Variants in COL22A1 observed in about 807,000 individuals in gnomAD.
The protein encoded by COL22A1 is collagen alpha-1(XXII) chain.
A neutral mutation model predicts 248.9 loss-of-function variants in COL22A1; 221 were observed. The observed-to-expected ratio is 0.89, with a 90% CI of 0.80 to 0.99. COL22A1 has a LOEUF of 0.99. Among genes scored for constraint, COL22A1 ranks in the 50% least tolerant of loss-of-function variants. The pLI is 0.00. For synonymous variants in COL22A1, 891 were observed against 793.4 expected (o/e 1.12, Z -2.07); for missense variants, 2,240 against 2,179.0 (o/e 1.03, Z -0.56).
In COL22A1 at chr8:138,589,090, T is replaced by G. The variant is rs1050797736; in HGVS notation, c.*163A>C. On this transcript the variant is annotated 3_prime_UTR_variant, in exon 65 of 65. Coordinates refer to ENST00000303045, the MANE Select transcript of COL22A1 (RefSeq NM_152888.3). ...GACCGGCAGCGTCTGTTGGATTTAA[T>G]AATTTTGAGGTCTCTCAAGAAAATA... 6.2e-6 allele frequency: 4 copies of G among 640,588 alleles called. No homozygotes were observed. The highest frequency in any genetic ancestry group is 5.4e-6 in the Non-Finnish European group (2 of 367,942). 39.7% of individuals were successfully genotyped at this position (640,588 alleles called of 1,614,324 possible).
At chr8:138,853,204 GT>G (rs1821771070) in intron 3 of COL22A1, among the ~76,000 whole-genome samples, 2 of 152,148 alleles carry the variant, frequency 1.3e-5, no homozygotes, top group Non-Finnish European at 2.9e-5. Context: ...TTATAGTGAG[GT>G]TTGGCATCCT....
chr8:138,694,357 A>G (rs2130931645), intron 34 of COL22A1, 151 bp downstream of exon 34: 2 of 820,068 alleles, frequency 2.4e-6, no homozygotes, highest in East Asian at 2.5e-5. Context: ...AGTGAGGGCC[A>G]CTCAGCCTCT....
chr8:138,724,532 G>A, intron 25 of COL22A1, 83 bp downstream of exon 25: 1 of 1,376,232 alleles, frequency 7.3e-7, no homozygotes, highest in Non-Finnish European at 1.0e-6. Flanking sequence ...AGTGGCTCTG[G>A]GCCAGCTGCA....
intron 11 of COL22A1, among the ~76,000 whole-genome samples, chr8:138,801,602 T>C (rs1313768725): frequency 6.6e-6 from 1 of 152,228 alleles, no homozygotes; most frequent in Non-Finnish European, 1.5e-5. Flanking sequence ...GTTATACTCC[T>C]CATTTTGCTA....
At chr8:138,751,408 G>A in intron 22 of COL22A1, 50 bp downstream of exon 22, 2 of 1,307,596 alleles carry the variant, frequency 1.5e-6, no homozygotes, top group South Asian at 2.5e-5. Flanking sequence ...ATAAAATAGG[G>A]ACCAGTGTGG....
At position 138,722,094 on chromosome 8, in the gene COL22A1, G is replaced by A. The variant is rs1286089195; in HGVS notation, c.2248-5C>T. 2 of 1,575,588 alleles carry A rather than the reference G, an allele frequency of 1.3e-6. No homozygotes were observed. Among genetic ancestry groups the A allele is most frequent in the Admixed American group, 1.8e-5 (1 of 54,580 alleles). Reference sequence around the variant, plus strand: ...CCCGTCCTTTCCAGGGGGTCCCTGGGCCAAGAGGGGAAAACATAAATAAAA... The same window carrying A: ...CCCGTCCTTTCCAGGGGGTCCCTGGACCAAGAGGGGAAAACATAAATAAAA... On this transcript the variant is annotated splice_region_variant and splice_polypyrimidine_tract_variant and intron_variant, in intron 25 of 64. Transcript: ENST00000303045.
chr8:138,592,532 A>T (rs1049539035), intron 63 of COL22A1, among the ~76,000 whole-genome samples: 7 of 152,162 alleles, frequency 4.6e-5, no homozygotes, highest in Non-Finnish European at 7.3e-5. Flanking sequence ...CATGAGTAGG[A>T]CTAGAATATA....
intron 2 of COL22A1, among the ~76,000 whole-genome samples, chr8:138,882,700 TCAAA>T (rs1017866033): frequency 2.8e-5 from 4 of 144,652 alleles, no homozygotes; most frequent in African/African-American, 7.8e-5. Flanking sequence ...ACACACTTTG[TCAAA>T]CACACACTCC....
chr8:138,700,152 G>T lies in COL22A1; in HGVS notation c.2560-8C>A. 1 of 1,613,200 alleles carries T rather than the reference G, an allele frequency of 6.2e-7. No individual in the cohort carries two copies. The highest frequency in any genetic ancestry group is 8.5e-7 in the Non-Finnish European group (1 of 1,179,724). On this transcript the variant is annotated splice_region_variant and splice_polypyrimidine_tract_variant and intron_variant, in intron 31 of 64. Coordinates refer to ENST00000303045, the MANE Select transcript of COL22A1 (RefSeq NM_152888.3). ...TGGTGTGAACAGGGATGTCTGAAAA[G>T]GAAACCACAGAGATTAGAAAGATGG...
chr8:138,794,026 C>A (rs535731524), intron 12 of COL22A1, among the ~76,000 whole-genome samples: 2 of 152,120 alleles, frequency 1.3e-5, no homozygotes, highest in African/African-American at 4.8e-5. Flanking sequence ...GAGGAATCCC[C>A]GGGTGCCTTC....
chr8:138,776,981 C>T (rs559141921), intron 15 of COL22A1, among the ~76,000 whole-genome samples: 1 of 152,318 alleles, frequency 6.6e-6, no homozygotes, highest in East Asian at 1.9e-4. Flanking sequence ...CACGGTGAGG[C>T]ACTGGGGCCA....
At chr8:138,701,084 T>G (rs1489330874) in intron 31 of COL22A1, among the ~76,000 whole-genome samples, 1 of 149,546 alleles carries the variant, frequency 6.7e-6, no homozygotes, top group African/African-American at 2.4e-5. Context: ...TGGAACATAC[T>G]CTCCTCTCCC....
At chr8:138,906,433 T>C (rs1815025837) in intron 1 of COL22A1, among the ~76,000 whole-genome samples, 1 of 151,818 alleles carries the variant, frequency 6.6e-6, no homozygotes, top group Non-Finnish European at 1.5e-5. Context: ...ACTTAACGTG[T>C]CTAGTCTCTC....
intron 14 of COL22A1, among the ~76,000 whole-genome samples, chr8:138,778,936 T>C (rs1415989751): frequency 6.6e-6 from 1 of 152,186 alleles, no homozygotes; most frequent in African/African-American, 2.4e-5. Flanking sequence ...ACAACTAGTT[T>C]GGAAATTATC....
intron 16 of COL22A1, 97 bp from the exon 17 acceptor site, chr8:138,762,563 T>C: frequency 1.7e-6 from 2 of 1,200,342 alleles, no homozygotes; most frequent in Non-Finnish European, 2.4e-6. Context: ...ACAAGGAGGG[T>C]GGGGAAAAGG....
At position 138,749,646 on chromosome 8, in the gene COL22A1, C is replaced by G. The variant is rs1832422209; in HGVS notation, c.2085+1812G>C. ...CTAACAACACAGCTGATGGTGATAT[C>G]TTCCCCACTGTAGCAAGAAGTAAAC... is the stretch of plus-strand genomic sequence containing the variant. On this transcript the variant is annotated intron_variant, in intron 22 of 64. Transcript: ENST00000303045. Among the ~76,000 whole-genome samples, 4 of 152,324 alleles carry G rather than the reference C, an allele frequency of 2.6e-5. No individual in the cohort carries two copies. The South Asian group carries it at 8.3e-4, about 32-fold the overall frequency.
chr8:138,796,681 C>T (rs971000824), intron 12 of COL22A1, 138 bp downstream of exon 12: 4 of 697,188 alleles, frequency 5.7e-6, no homozygotes, highest in South Asian at 5.2e-5. Context: ...CACATTGAGG[C>T]CAGTTACACA....
At chr8:138,674,206 C>CA (rs1332190218) in intron 41 of COL22A1, among the ~76,000 whole-genome samples, 1 of 152,142 alleles carries the variant, frequency 6.6e-6, no homozygotes, top group Non-Finnish European at 1.5e-5. Flanking sequence ...TGCCCAGGAC[C>CA]AAATGAGGAG....
chr8:138,685,152 T>G, intron 38 of COL22A1, 56 bp downstream of exon 38: 2 of 1,211,726 alleles, frequency 1.7e-6, no homozygotes, highest in South Asian at 2.6e-5. Flanking sequence ...TTCCTTTTCC[T>G]TCTCTAATTT....
Sources: gnomAD v4.1 joint callset for allele counts (sites outside exome capture counted in the v4.1 genomes callset) on GRCh38, gnomAD v4.1.1 for gene constraint, MANE v1.5 for transcripts, NCBI Gene and HGNC (gene_info 2026-07-23, HGNC 2026-07-21) for gene names.